MYO16: variants seen among roughly 807,000 people sequenced by gnomAD.
MYO16 encodes the protein unconventional myosin-XVI.
MYO16 carries 94 observed loss-of-function variants against 205.3 expected under a neutral mutation model. The observed-to-expected ratio is 0.46, with a 90% CI of 0.39 to 0.54. The LOEUF (loss-of-function observed/expected upper bound fraction) is 0.54. Ranked by LOEUF, MYO16 falls within the 20% of genes least tolerant of loss-of-function variation. The probability of loss-of-function intolerance (pLI) is 0.00; values close to 1 mark genes in which losing one functional copy is unlikely to be tolerated. For synonymous variants in MYO16, 988 were observed against 954.0 expected, an observed-to-expected ratio of 1.04 and a Z score of -0.66; for missense variants, 2,315 against 2,387.5, an observed-to-expected ratio of 0.97 and a Z score of 0.63.
At chr13:108,553,070 G>A in the MYO16 span, among the ~76,000 whole-genome samples, 1 of 129,396 alleles carries the variant, frequency 7.7e-6, no homozygotes, top group Non-Finnish European at 1.6e-5. Flanking sequence ...CCAGGCTGGA[G>A]TGCAGTGGCC....
At position 109,158,820 on chromosome 13, in the gene MYO16, A is replaced by C. The variant is rs569326378; in HGVS notation, c.5165-6081A>C. Among the ~76,000 whole-genome samples, 95 of 152,346 alleles carry C rather than the reference A, an allele frequency of 6.2e-4. No individual in the cohort carries two copies. In the Middle Eastern group the frequency reaches 0.01, roughly 16 times the overall value. On this transcript the variant is annotated intron_variant, in intron 32 of 34. Coordinates refer to ENST00000457511, the MANE Select transcript of MYO16 (RefSeq NM_001198950.3). ...AGAAAATAAATCAAAGTATACGTTT[A>C]CAAAGTATTACAAATGTTAACTGTT... is the stretch of plus-strand genomic sequence containing the variant.
intron 16 of MYO16, among the ~76,000 whole-genome samples, chr13:108,933,570 G>T (rs1328503068): frequency 2.0e-5 from 3 of 151,910 alleles, no homozygotes; most frequent in African/African-American, 4.8e-5. Context: ...CCAGGAAATA[G>T]ATCTTACTAA....
intron 33 of MYO16, among the ~76,000 whole-genome samples, chr13:109,178,963 T>C (rs945182057): frequency 6.6e-6 from 1 of 152,246 alleles, no homozygotes; most frequent in Admixed American, 6.5e-5. Flanking sequence ...CAAGTTACTC[T>C]GCATGGTTGC....
At chr13:109,126,411 A>C (rs766294036) in intron 30 of MYO16, among the ~76,000 whole-genome samples, 42 of 152,224 alleles carry the variant, frequency 2.8e-4, no homozygotes, top group Non-Finnish European at 5.4e-4. Context: ...ATAAAAACAA[A>C]CGCTTGGAAA....
chr13:108,740,386 T>C (rs952890136), intron 4 of MYO16, among the ~76,000 whole-genome samples: 4 of 152,182 alleles, frequency 2.6e-5, no homozygotes, highest in African/African-American at 9.7e-5. Flanking sequence ...CTGTTGGAGT[T>C]TGCTGGAGGT....
intron 16 of MYO16, among the ~76,000 whole-genome samples, chr13:108,947,428 T>C (rs1882980311): frequency 6.6e-6 from 1 of 152,230 alleles, no homozygotes; most frequent in African/African-American, 2.4e-5. Context: ...TCCAGTCAGA[T>C]GCAGCTCCCC....
intron 4 of MYO16, among the ~76,000 whole-genome samples, chr13:108,777,774 G>A (rs1055719587): frequency 3.3e-5 from 5 of 152,140 alleles, no homozygotes; most frequent in African/African-American, 1.2e-4. Context: ...TTTGTCTAAT[G>A]TTGTAAGAAT....
chr13:108,580,212 C>G, the MYO16 span, among the ~76,000 whole-genome samples: 5 of 152,140 alleles, frequency 3.3e-5, no homozygotes, highest in African/African-American at 1.2e-4. Flanking sequence ...TAAACATTTT[C>G]CTATACAGCA....
rs187610763 is a variant in MYO16, at chr13:109,182,226, C to T, written c.5415+2593C>T. On this transcript the variant is annotated intron_variant, in intron 34 of 34. Transcript: ENST00000457511. Reference sequence around the variant, plus strand: ...CTGCCAGTCTCACATTTCAGTTTCGCACCTACCACGATGAAAATACAAGGG... The same window carrying T: ...CTGCCAGTCTCACATTTCAGTTTCGTACCTACCACGATGAAAATACAAGGG... Among the ~76,000 whole-genome samples, 369 of 152,278 alleles carry T rather than the reference C, an allele frequency of 2.4e-3. 2 individuals carry two copies. The highest frequency in any genetic ancestry group is 8.5e-3 in the African/African-American group (354 of 41,544).
chr13:108,587,440 T>G, the MYO16 span, among the ~76,000 whole-genome samples: 1 of 152,148 alleles, frequency 6.6e-6, no homozygotes, highest in Admixed American at 6.5e-5. Context: ...ATTGAGCTAG[T>G]TTCATCATCA....
chr13:109,154,268 A>G (rs905149211), intron 32 of MYO16, among the ~76,000 whole-genome samples: 2 of 152,190 alleles, frequency 1.3e-5, no homozygotes, highest in African/African-American at 4.8e-5. Flanking sequence ...CAGCTGGTGC[A>G]GGGCTGCTGC....
chr13:109,128,051 G>A (rs912935290), intron 31 of MYO16, among the ~76,000 whole-genome samples: 1 of 152,216 alleles, frequency 6.6e-6, no homozygotes, highest in African/African-American at 2.4e-5. Flanking sequence ...AAACAGGGAT[G>A]CTCAAAAGGG....
intron 16 of MYO16, among the ~76,000 whole-genome samples, chr13:108,918,041 C>T (rs1295701769): frequency 6.6e-6 from 1 of 152,142 alleles, no homozygotes; most frequent in African/African-American, 2.4e-5. Flanking sequence ...TCAACCTGTT[C>T]GATTCTCAAT....
Position 108,985,594 on chromosome 13 carries a change from A to C in MYO16, c.2370-6782A>C, listed in dbSNP as rs556885980. On this transcript the variant is annotated intron_variant, in intron 20 of 34. Coordinates refer to ENST00000457511, the MANE Select transcript of MYO16 (RefSeq NM_001198950.3). Reference sequence around the variant, plus strand: ...GGTCAGTGTATTTAACTTCATGAAGAATGTATTTTCAGTTCTTCCTGAAGT... The same window carrying C: ...GGTCAGTGTATTTAACTTCATGAAGCATGTATTTTCAGTTCTTCCTGAAGT... 2.0e-5 allele frequency among the ~76,000 whole-genome samples: 3 copies of C among 152,280 alleles called. No homozygotes were observed. The South Asian group carries it at 6.2e-4, about 32-fold the overall frequency.
chr13:109,194,974 T>G (rs1296422474), intron 34 of MYO16, among the ~76,000 whole-genome samples: 2 of 152,078 alleles, frequency 1.3e-5, no homozygotes, highest in Non-Finnish European at 2.9e-5. Context: ...ATGTATAACA[T>G]ATACATTCAC....
chr13:108,808,656 C>G (rs1887191062), intron 7 of MYO16, among the ~76,000 whole-genome samples: 1 of 151,846 alleles, frequency 6.6e-6, no homozygotes, highest in Non-Finnish European at 1.5e-5. Flanking sequence ...TCTAGTAAAG[C>G]TATACTATAT....
chr13:109,084,011 A>AT (rs1474099451), intron 27 of MYO16, among the ~76,000 whole-genome samples: 1 of 152,138 alleles, frequency 6.6e-6, no homozygotes, highest in Non-Finnish European at 1.5e-5. Context: ...CCATTTTGTC[A>AT]TTTTTACTGA....
At chr13:109,072,657 G>A (rs1480024989) in intron 27 of MYO16, among the ~76,000 whole-genome samples, 5 of 151,946 alleles carry the variant, frequency 3.3e-5, no homozygotes, top group South Asian at 4.2e-4. Flanking sequence ...TTAAATCAGT[G>A]CCTCTCAACC....
At chr13:108,608,199 G>A (rs1396725616) in intron 1 of MYO16, among the ~76,000 whole-genome samples, 1 of 152,154 alleles carries the variant, frequency 6.6e-6, no homozygotes, top group Non-Finnish European at 1.5e-5. Flanking sequence ...GCCTAGGGCG[G>A]CATCTAAATG....
Sources: gnomAD v4.1 joint callset for allele counts (sites outside exome capture counted in the v4.1 genomes callset) on GRCh38, gnomAD v4.1.1 for gene constraint, MANE v1.5 for transcripts, NCBI Gene and HGNC (gene_info 2026-07-23, HGNC 2026-07-21) for gene names.